Variants in FOXP1 observed in about 807,000 individuals in gnomAD.
The protein encoded by FOXP1 is forkhead box P1.
Under a neutral mutation model 98.2 loss-of-function variants are expected in FOXP1, and 15 were observed. The observed-to-expected ratio is 0.15, with a 90% CI of 0.10 to 0.24. The LOEUF (loss-of-function observed/expected upper bound fraction) is 0.24. FOXP1 is among the 10% of genes least tolerant of loss of function. The pLI is 1.00. For synonymous variants in FOXP1, 371 were observed against 314.5 expected (o/e 1.18, Z -1.90); for missense variants, 633 against 848.5 (o/e 0.75, Z 3.15).
At chr3:71,248,339 C>A (rs79473441) in intron 5 of FOXP1, among the ~76,000 whole-genome samples, 1 of 152,248 alleles carries the variant, frequency 6.6e-6, no homozygotes, top group Non-Finnish European at 1.5e-5. Context: ...TTAACCAGTT[C>A]ATCAGCCATG....
intron 5 of FOXP1, among the ~76,000 whole-genome samples, chr3:71,297,852 T>C (rs2073471930): frequency 6.6e-6 from 1 of 151,848 alleles, no homozygotes; most frequent in African/African-American, 2.4e-5. Flanking sequence ...GGTGATCCAC[T>C]CGCCTCAGCC....
chr3:71,387,842 G>A (rs2080710538), intron 3 of FOXP1, among the ~76,000 whole-genome samples: 1 of 152,130 alleles, frequency 6.6e-6, no homozygotes, highest in Admixed American at 6.5e-5. Context: ...TAAGAGAATG[G>A]GTGGTTCTCT....
In FOXP1 at chr3:71,182,500, A is replaced by ATGTGTGTG. The variant is rs201090847; in HGVS notation, c.180+15701_180+15702insCACACACA. Among the ~76,000 whole-genome samples the ATGTGTGTG allele has an allele frequency of 7.1e-3, 981 of 138,460 alleles. 9 individuals carry two copies. The highest frequency in any genetic ancestry group is 0.024 in the African/African-American group (865 of 36,220). 90.8% of individuals were successfully genotyped at this position (138,460 alleles called of 152,430 possible). A position where few individuals can be genotyped will look rare whatever the true frequency, so the allele number is the denominator to read the frequency against. On this transcript the variant is annotated intron_variant, in intron 6 of 20. Coordinates refer to ENST00000649528, the MANE Select transcript of FOXP1 (RefSeq NM_001349338.3). ...ATATACAGAAAAGTGTAAACTATAT[A>ATGTGTGTG]TATGTGTGTGTGTGTGTGTGTGTGT...
At chr3:71,034,375 T>C (rs187829455) in intron 11 of FOXP1, among the ~76,000 whole-genome samples, 1 of 152,032 alleles carries the variant, frequency 6.6e-6, no homozygotes. Context: ...TCACTGCAAG[T>C]CCCTGAGGGT....
At chr3:71,097,793 G>A (rs2056602037) in intron 7 of FOXP1, among the ~76,000 whole-genome samples, 3 of 152,270 alleles carry the variant, frequency 2.0e-5, no homozygotes, top group South Asian at 4.1e-4. Context: ...CACAGAGCTG[G>A]AGAATTTCCA....
At chr3:71,000,902 T>G (rs1482170032) in intron 13 of FOXP1, 70 bp downstream of exon 13, 1 of 973,692 alleles carries the variant, frequency 1.0e-6, no homozygotes, top group Non-Finnish European at 1.7e-6. Context: ...AGGAACTCAT[T>G]ACAGAACACT....
intron 3 of FOXP1, among the ~76,000 whole-genome samples, chr3:71,370,802 T>TG (rs984137542): frequency 2.0e-5 from 3 of 149,336 alleles, no homozygotes; most frequent in Non-Finnish European, 4.5e-5. Flanking sequence ...TTTGTTGTTT[T>TG]TTTTTTTTTT....
rs999882072 is a variant in FOXP1, at chr3:70,955,893, A to G, written c.*3354T>C. 4.3e-6 allele frequency: 1 copy of G among 233,206 alleles called. No individual in the cohort carries two copies. Among genetic ancestry groups the G allele is most frequent in the Non-Finnish European group, 8.5e-6 (1 of 118,034 alleles). 14.4% of individuals were successfully genotyped at this position (233,206 alleles called of 1,614,324 possible). A position where few individuals can be genotyped will look rare whatever the true frequency, so the allele number is the denominator to read the frequency against. On this transcript the variant is annotated 3_prime_UTR_variant, in exon 21 of 21. Transcript: ENST00000649528. Reference sequence around the variant, plus strand: ...AAATGCTCCAATCAATGAGAACAGAAAAAAGAAATCTTCAACTATGTTACA... The same window carrying G: ...AAATGCTCCAATCAATGAGAACAGAGAAAAGAAATCTTCAACTATGTTACA...
At chr3:71,458,168 G>A (rs2087680357) in intron 3 of FOXP1, among the ~76,000 whole-genome samples, 1 of 152,134 alleles carries the variant, frequency 6.6e-6, no homozygotes, top group South Asian at 2.1e-4. Flanking sequence ...ACCACATCAA[G>A]CTATATAATA....
chr3:71,405,347 C>A (rs1001797018), intron 3 of FOXP1, among the ~76,000 whole-genome samples: 7 of 152,214 alleles, frequency 4.6e-5, no homozygotes, highest in Non-Finnish European at 8.8e-5. Context: ...ATGTTCTGTG[C>A]ATCCAAATCA....
intron 12 of FOXP1, among the ~76,000 whole-genome samples, chr3:71,005,930 G>C (rs1382634284): frequency 6.6e-6 from 1 of 152,020 alleles, no homozygotes; most frequent in Non-Finnish European, 1.5e-5. Context: ...GGAAAAACAA[G>C]ATCATTCTGG....
chr3:70,964,476 C>A (rs934982453), intron 20 of FOXP1, among the ~76,000 whole-genome samples: 1 of 152,212 alleles, frequency 6.6e-6, no homozygotes, highest in African/African-American at 2.4e-5. Context: ...AATAGCATCA[C>A]TTCCATTCAA....
Position 71,112,958 on chromosome 3 carries a change from G to C in FOXP1, c.181-321C>G, listed in dbSNP as rs9985362. ...AACAAAGATGACAGAGAGACCAGGA[G>C]GGACCCAAGCAAAGACGAAAACTTG... On this transcript the variant is annotated intron_variant, in intron 6 of 20. Transcript: ENST00000649528. 0.027 allele frequency among the ~76,000 whole-genome samples: 4,104 copies of C among 152,164 alleles called. 187 individuals are homozygous for C. Among genetic ancestry groups the C allele is most frequent in the African/African-American group, 0.095 (3,957 of 41,476 alleles).
chr3:71,418,669 CTG>C (rs1442078098), intron 3 of FOXP1, among the ~76,000 whole-genome samples: 1 of 152,166 alleles, frequency 6.6e-6, no homozygotes, highest in South Asian at 2.1e-4. Flanking sequence ...CACTACTTAA[CTG>C]TCAATTATCA....
intron 7 of FOXP1, among the ~76,000 whole-genome samples, chr3:71,105,675 G>A (rs1490676069): frequency 3.3e-5 from 5 of 152,148 alleles, no homozygotes; most frequent in South Asian, 4.2e-4. Flanking sequence ...ACGCATGGAC[G>A]CTCATAAGAG....
In FOXP1 at chr3:71,402,508, T is replaced by C. The variant is rs114057688; in HGVS notation, c.-167-43264A>G. On this transcript the variant is annotated intron_variant, in intron 3 of 20. Coordinates refer to ENST00000649528, the MANE Select transcript of FOXP1 (RefSeq NM_001349338.3). The stretch of plus-strand genomic sequence containing the variant: ...CTGTGGAATGAATAAGCACAATTCA[T>C]TGACAAATGACAGAATACTTTGTAC... Among the ~76,000 whole-genome samples the C allele has an allele frequency of 7.9e-3, 1,201 of 152,304 alleles. 22 individuals are homozygous for C. The highest frequency in any genetic ancestry group is 0.028 in the African/African-American group (1,152 of 41,550).
At chr3:71,022,283 T>G (rs546146271) in intron 11 of FOXP1, among the ~76,000 whole-genome samples, 239 of 152,340 alleles carry the variant, frequency 1.6e-3, no homozygotes, top group Non-Finnish European at 3.0e-3. Context: ...GCGTTGGCAT[T>G]TTTTAAATTT....
chr3:71,128,265 T>C (rs540709898), intron 6 of FOXP1, among the ~76,000 whole-genome samples: 1 of 150,940 alleles, frequency 6.6e-6, no homozygotes, highest in African/African-American at 2.4e-5. Context: ...TGCCTACATA[T>C]TAAGAATGAT....
In FOXP1 at chr3:71,581,683, A is replaced by G. The variant is rs2048181570; in HGVS notation, c.-432T>C. The G allele has an allele frequency of 1.0e-6, 1 of 985,622 alleles. No homozygotes were observed. The highest frequency in any genetic ancestry group is 1.2e-6 in the Non-Finnish European group (1 of 830,082). 61.1% of individuals were successfully genotyped at this position (985,622 alleles called of 1,614,324 possible). ...GCTCGCCGCGCGCTCTCTTCCTCTT[A>G]CAAACTTTCGGGTTCTGCAGTCGAC... On this transcript the variant is annotated 5_prime_UTR_variant, in exon 2 of 21. Coordinates refer to ENST00000649528, the MANE Select transcript of FOXP1 (RefSeq NM_001349338.3).
Sources: allele counts gnomAD v4.1 joint callset (sites outside exome capture counted in the v4.1 genomes callset), GRCh38; gene constraint gnomAD v4.1.1; transcripts MANE v1.5; gene names NCBI Gene and HGNC (gene_info 2026-07-23, HGNC 2026-07-21).